Variants in B3GLCT observed in about 807,000 individuals in gnomAD.
B3GLCT encodes the protein beta-1,3-glucosyltransferase.
Under a neutral mutation model 63.4 loss-of-function variants are expected in B3GLCT, and 65 were observed. The ratio of observed to expected loss-of-function variants is 1.03; its 90% confidence interval spans 0.84 to 1.26. B3GLCT has a LOEUF of 1.26. Among genes scored for constraint, B3GLCT ranks in the 50% most tolerant of loss-of-function variants. The pLI is 0.00. For synonymous variants in B3GLCT, 233 were observed against 219.2 expected (o/e 1.06, Z -0.55); for missense variants, 577 against 604.8 (o/e 0.95, Z 0.48).
intron 7 of B3GLCT, among the ~76,000 whole-genome samples, chr13:31,268,531 G>A (rs1277952469): frequency 2.0e-5 from 3 of 152,220 alleles, no homozygotes; most frequent in African/African-American, 7.2e-5. Context: ...TTACAGAGAA[G>A]ATACCCATGA....
At chr13:31,200,861 C>A (rs1868623663) in intron 1 of B3GLCT, among the ~76,000 whole-genome samples, 1 of 152,136 alleles carries the variant, frequency 6.6e-6, no homozygotes, top group African/African-American at 2.4e-5. Context: ...GCTCCTGTCT[C>A]GGGTCTCCGC....
intron 13 of B3GLCT, among the ~76,000 whole-genome samples, chr13:31,322,078 A>G (rs1412695981): frequency 2.0e-5 from 3 of 152,224 alleles, no homozygotes; most frequent in African/African-American, 7.2e-5. Flanking sequence ...AGGTGAGAAC[A>G]TGTGATGTTT....
chr13:31,328,920 G>A (rs182317514), intron 14 of B3GLCT, among the ~76,000 whole-genome samples: 32 of 151,840 alleles, frequency 2.1e-4, no homozygotes, highest in African/African-American at 7.2e-4. Context: ...AAACTATTTC[G>A]GGTTACTTGC....
chr13:31,204,881 A>T (rs527471407), intron 1 of B3GLCT, among the ~76,000 whole-genome samples: 145 of 152,304 alleles, frequency 9.5e-4, no homozygotes, highest in African/African-American at 3.3e-3. Flanking sequence ...CACATCCACC[A>T]TGGGTAGTAG....
At chr13:31,253,268 C>A (rs1013825682) in intron 6 of B3GLCT, among the ~76,000 whole-genome samples, 1 of 152,034 alleles carries the variant, frequency 6.6e-6, no homozygotes, top group Non-Finnish European at 1.5e-5. Flanking sequence ...CAGGAAAGAT[C>A]GAAAATCGAC....
At chr13:31,271,147 G>A (rs116736394) in intron 8 of B3GLCT, among the ~76,000 whole-genome samples, 4 of 152,296 alleles carry the variant, frequency 2.6e-5, no homozygotes, top group East Asian at 1.9e-4. Context: ...TCCCATATTC[G>A]GACAAAACAT....
At chr13:31,236,572 A>G (rs562185573) in intron 4 of B3GLCT, among the ~76,000 whole-genome samples, 1 of 152,314 alleles carries the variant, frequency 6.6e-6, no homozygotes, top group East Asian at 1.9e-4. Flanking sequence ...TTGTTCTGAA[A>G]TTCTTTGCTT....
At chr13:31,207,641 T>C (rs1045950146) in intron 1 of B3GLCT, among the ~76,000 whole-genome samples, 2 of 152,238 alleles carry the variant, frequency 1.3e-5, no homozygotes, top group African/African-American at 4.8e-5. Flanking sequence ...TCAAACTTTG[T>C]TGTCAAGTGA....
At chr13:31,233,341 T>C (rs977523484) in intron 4 of B3GLCT, among the ~76,000 whole-genome samples, 4 of 151,896 alleles carry the variant, frequency 2.6e-5, no homozygotes, top group African/African-American at 7.3e-5. Flanking sequence ...GGAGATAATA[T>C]GAAAAAGAAC....
At chr13:31,326,439 C>T (rs912640614) in intron 14 of B3GLCT, among the ~76,000 whole-genome samples, 1 of 151,606 alleles carries the variant, frequency 6.6e-6, no homozygotes, top group Non-Finnish European at 1.5e-5. Context: ...GTGTGCCACC[C>T]GCCTGGCTAA....
At position 31,325,333 on chromosome 13, in the gene B3GLCT, C is replaced by G. The variant is rs551306047; in HGVS notation, c.1329+1438C>G. Reference sequence around the variant, plus strand: ...GACTTAGGAAAGAAAGCGTTATTCTCTGCGGTTCCCTCTCTTGCTCTGTCT... The same window carrying G: ...GACTTAGGAAAGAAAGCGTTATTCTGTGCGGTTCCCTCTCTTGCTCTGTCT... On this transcript the variant is annotated intron_variant, in intron 14 of 14. Coordinates refer to ENST00000343307, the MANE Select transcript of B3GLCT (RefSeq NM_194318.4). 1.7e-3 allele frequency among the ~76,000 whole-genome samples: 253 copies of G among 152,292 alleles called. 2 individuals carry two copies. In the South Asian group the frequency reaches 0.02, roughly 12 times the overall value.
intron 9 of B3GLCT, among the ~76,000 whole-genome samples, chr13:31,276,017 A>G (rs1224459448): frequency 6.6e-6 from 1 of 152,178 alleles, no homozygotes; most frequent in Non-Finnish European, 1.5e-5. Flanking sequence ...TTGCAGGCCT[A>G]AGGCAGGTAA....
Position 31,332,146 on chromosome 13 carries a change from A to T in B3GLCT, c.*2478A>T, listed in dbSNP as rs1387534906. The T allele has an allele frequency of 6.6e-6, 1 of 152,180 alleles. No homozygotes were observed. The highest frequency in any genetic ancestry group is 2.4e-5 in the African/African-American group (1 of 41,442). The allele number at this position is 152,180 out of a possible 1,614,324, so 9.4% of individuals were successfully genotyped here. A position where few individuals can be genotyped will look rare whatever the true frequency, so the allele number is the denominator to read the frequency against. The stretch of plus-strand genomic sequence containing the variant: ...CTGTCTGCATTTCTGGGTTTATTGA[A>T]GACCTCTTGTTGTATATATCCTCAA... On this transcript the variant is annotated 3_prime_UTR_variant, in exon 15 of 15. Transcript: ENST00000343307.
chr13:31,330,106 A>G lies in B3GLCT; in HGVS notation c.*438A>G. The G allele has an allele frequency of 5.0e-6, 1 of 201,778 alleles. No individual in the cohort carries two copies. The highest frequency in any genetic ancestry group is 9.0e-5 in the South Asian group (1 of 11,132). 12.5% of individuals were successfully genotyped at this position (201,778 alleles called of 1,614,324 possible). ...AAAAGAAGACTGAAAGTCTTTTGACATGGATATTGTGAATGGTATGAACTT... is the reference window on the plus strand; with the variant it reads ...AAAAGAAGACTGAAAGTCTTTTGACGTGGATATTGTGAATGGTATGAACTT... On this transcript the variant is annotated 3_prime_UTR_variant, in exon 15 of 15. Transcript: ENST00000343307.
At chr13:31,277,371 T>C (rs1256998433) in intron 10 of B3GLCT, among the ~76,000 whole-genome samples, 2 of 151,532 alleles carry the variant, frequency 1.3e-5, no homozygotes, top group African/African-American at 4.9e-5. Context: ...AGAATTCTGC[T>C]AAGTTGTGAC....
At chr13:31,291,136 A>G (rs1338716885) in intron 12 of B3GLCT, among the ~76,000 whole-genome samples, 1 of 152,190 alleles carries the variant, frequency 6.6e-6, no homozygotes, top group African/African-American at 2.4e-5. Flanking sequence ...CAGGTTTGTC[A>G]AAGATCTGAT....
At chr13:31,319,092 G>A (rs1161383758) in intron 13 of B3GLCT, among the ~76,000 whole-genome samples, 1 of 152,134 alleles carries the variant, frequency 6.6e-6, no homozygotes, top group Non-Finnish European at 1.5e-5. Context: ...GATGAAAGCT[G>A]CACAGCCCCT....
intron 8 of B3GLCT, among the ~76,000 whole-genome samples, chr13:31,271,148 G>C (rs925848591): frequency 1.3e-5 from 2 of 152,228 alleles, no homozygotes; most frequent in African/African-American, 4.8e-5. Flanking sequence ...CCCATATTCG[G>C]ACAAAACATT....
chr13:31,280,743 A>G (rs1873031293), intron 10 of B3GLCT, among the ~76,000 whole-genome samples: 1 of 152,226 alleles, frequency 6.6e-6, no homozygotes, highest in African/African-American at 2.4e-5. Context: ...TAACACATTT[A>G]TGTAATTGCT....
Sources: gnomAD v4.1 joint callset for allele counts (sites outside exome capture counted in the v4.1 genomes callset) on GRCh38, gnomAD v4.1.1 for gene constraint, MANE v1.5 for transcripts, NCBI Gene and HGNC (gene_info 2026-07-23, HGNC 2026-07-21) for gene names.